RGS12: variants seen among roughly 807,000 people sequenced by gnomAD.
RGS12 encodes the protein regulator of G protein signaling 12.
RGS12 carries 66 observed loss-of-function variants against 120.1 expected under a neutral mutation model. That is an observed-to-expected ratio of 0.55 (90% CI 0.45 to 0.67). The LOEUF is 0.67. RGS12 is among the 30% of genes least tolerant of loss of function. The pLI, the probability that RGS12 is intolerant of heterozygous loss-of-function variation, is 0.00. For missense variants in RGS12, 1,859 were observed against 1,957.7 expected (o/e 0.95, Z 0.95); for synonymous variants, 827 against 804.7 (o/e 1.03, Z -0.47).
chr4:3,427,181 C>T (rs552041982), intron 14 of RGS12, among the ~76,000 whole-genome samples: 1 of 152,312 alleles, frequency 6.6e-6, no homozygotes, highest in African/African-American at 2.4e-5. Context: ...GTGGGGCAGG[C>T]ACAGCATGTG....
chr4:3,420,852 G>C, intron 10 of RGS12, 134 bp downstream of exon 10: 3 of 817,920 alleles, frequency 3.7e-6, no homozygotes, highest in Non-Finnish European at 5.7e-6. Flanking sequence ...GACAAGGCTC[G>C]GGTGCCGGCC....
At chr4:3,385,289 G>C (rs1001488152) in intron 3 of RGS12, 2 of 152,362 alleles carry the variant, frequency 1.3e-5, no homozygotes, top group Admixed American at 6.5e-5. Flanking sequence ...CCGTCTGGGA[G>C]GTCCCCGCAG....
At chr4:3,307,678 G>A (rs1280962655) in intron 1 of RGS12, among the ~76,000 whole-genome samples, 1 of 152,200 alleles carries the variant, frequency 6.6e-6, no homozygotes, top group Admixed American at 6.5e-5. Flanking sequence ...TCGAGGCCTC[G>A]TGGCCCCTGC....
intron 1 of RGS12, among the ~76,000 whole-genome samples, chr4:3,303,322 C>T (rs1021216680): frequency 1.3e-5 from 2 of 152,228 alleles, no homozygotes; most frequent in African/African-American, 2.4e-5. Flanking sequence ...CTCGGTACGG[C>T]GACCTAGGCA....
At chr4:3,369,702 C>T (rs1216034687) in intron 3 of RGS12, among the ~76,000 whole-genome samples, 1 of 152,186 alleles carries the variant, frequency 6.6e-6, no homozygotes, top group Non-Finnish European at 1.5e-5. Flanking sequence ...TTTTCTTTTT[C>T]TTTCCTCCTT....
At chr4:3,435,398 C>T (rs1724709512) in intron 17 of RGS12, among the ~76,000 whole-genome samples, 1 of 152,116 alleles carries the variant, frequency 6.6e-6, no homozygotes, top group African/African-American at 2.4e-5. Flanking sequence ...AGCTTAGACC[C>T]CCTCACTCTG....
intron 2 of RGS12, among the ~76,000 whole-genome samples, chr4:3,327,190 GGGGAAAAGACATCCTTTTCAAT>G (rs1725603146): frequency 6.6e-6 from 1 of 152,178 alleles, no homozygotes; most frequent in African/African-American, 2.4e-5. Context: ...AGCATACAAT[GGGGAAAAGACATCCTTTTCAAT>G]AAATGGTACT....
chr4:3,343,870 A>C (rs1163491063), intron 3 of RGS12, among the ~76,000 whole-genome samples: 1 of 152,196 alleles, frequency 6.6e-6, no homozygotes, highest in Non-Finnish European at 1.5e-5. Context: ...TTAATGTCTT[A>C]TTCTAGAACA....
chr4:3,335,505 C>G (rs1292031168), intron 2 of RGS12, among the ~76,000 whole-genome samples: 1 of 152,188 alleles, frequency 6.6e-6, no homozygotes, highest in East Asian at 1.9e-4. Context: ...AGCTGCATCC[C>G]TGTCAGGCTC....
chr4:3,359,611 T>A (rs1715363933), intron 3 of RGS12, among the ~76,000 whole-genome samples: 1 of 145,896 alleles, frequency 6.9e-6, no homozygotes, highest in Admixed American at 6.8e-5. Context: ...GATTTTCTAG[T>A]TCTTTTTTCT....
rs988921842 is a variant in RGS12 at position 3,366,864 on chromosome 4, C to T, written c.1999-19552C>T. 1.2e-4 allele frequency among the ~76,000 whole-genome samples: 19 copies of T among 152,306 alleles called. No individual in the cohort carries two copies. The highest frequency in any genetic ancestry group is 4.3e-4 in the African/African-American group (18 of 41,556). On this transcript the variant is annotated intron_variant, in intron 3 of 17. Coordinates refer to ENST00000336727, the MANE Select transcript of RGS12 (RefSeq NM_001394154.1). The surrounding 1 kb of genome is among the most constrained non-coding windows in gnomAD (Gnocchi z 4.0). ...GGTCCTGGAGACCCTGGGTCACCCA[C>T]AGGCCCCTTTGCCTTCACTGGAACT... is the stretch of plus-strand genomic sequence containing the variant.
intron 3 of RGS12, among the ~76,000 whole-genome samples, chr4:3,369,180 C>G (rs1458713609): frequency 6.6e-6 from 1 of 152,184 alleles, no homozygotes; most frequent in Admixed American, 6.5e-5. Context: ...GGCGCCTGCC[C>G]CCCGCCCCTG....
chr4:3,317,079 C>T lies in RGS12; in HGVS notation c.909C>T (p.Ala303=), dbSNP rs75833497. 17,785 of 1,613,716 alleles carry T rather than the reference C, an allele frequency of 0.011. 677 individuals carry two copies. The African/African-American group carries it at 0.13, about 12-fold the overall frequency. ...EYPAEKLAFS[A]VCPDDRRFFG... ...CGGCCGAGAAGCTGGCCTTCAGCGC[C>T]GTGTGCCCGGACGACCGGCGATTTT... is the stretch of plus-strand genomic sequence containing the variant. The change falls in exon 2 of 18, where the codon GCC becomes GCT. Residue 303 remains alanine, a synonymous_variant. Transcript: ENST00000336727.
At chr4:3,339,983 C>G (rs1712881628) in intron 2 of RGS12, among the ~76,000 whole-genome samples, 1 of 152,232 alleles carries the variant, frequency 6.6e-6, no homozygotes, top group Non-Finnish European at 1.5e-5. Context: ...TTCTCAAGAG[C>G]AGAAAATACA....
At chr4:3,355,666 G>A (rs1714807784) in intron 3 of RGS12, among the ~76,000 whole-genome samples, 1 of 151,486 alleles carries the variant, frequency 6.6e-6, no homozygotes, top group Non-Finnish European at 1.5e-5. Flanking sequence ...ATGGTGGTAT[G>A]CGCCCATAGT....
chr4:3,335,591 T>C (rs1712359960), intron 2 of RGS12, among the ~76,000 whole-genome samples: 1 of 152,178 alleles, frequency 6.6e-6, no homozygotes, highest in African/African-American at 2.4e-5. Flanking sequence ...ACAGGGGCAG[T>C]TCCTTCCCCT....
Position 3,390,150 on chromosome 4 carries a change from C to T in RGS12, c.2020+3713C>T, listed in dbSNP as rs777246283. Reference sequence around the variant, plus strand: ...CCCTGTTCCCCCAACCATCCTGCGTCCCACCCTGGTCTCCAATGGTGCCTC... The same window carrying T: ...CCCTGTTCCCCCAACCATCCTGCGTTCCACCCTGGTCTCCAATGGTGCCTC... On this transcript the variant is annotated intron_variant, in intron 4 of 17. Transcript: ENST00000336727. The surrounding 1 kb of genome is among the most constrained non-coding windows in gnomAD (Gnocchi z 4.6). 6.6e-6 allele frequency among the ~76,000 whole-genome samples: 1 copy of T among 152,260 alleles called. No individual in the cohort carries two copies. The highest frequency in any genetic ancestry group is 2.4e-5 in the African/African-American group (1 of 41,468).
intron 3 of RGS12, among the ~76,000 whole-genome samples, chr4:3,363,853 G>C (rs1334303441): frequency 6.6e-6 from 1 of 152,120 alleles, no homozygotes; most frequent in African/African-American, 2.4e-5. Flanking sequence ...AGAAACCTGA[G>C]GGTGGCCTGG....
rs569430202 is a variant in RGS12, at chr4:3,316,266, C to T, written c.96C>T (p.Tyr32=). The change falls in exon 2 of 18, where the codon TAC becomes TAT. Residue 32 remains tyrosine (Y), a synonymous_variant. Transcript: ENST00000336727. ...SVEVARGRAG[Y]GFTLSGQAPC... Reference sequence around the variant, plus strand: ...AGGTTGCCCGGGGGAGGGCCGGCTACGGATTCACGCTTTCGGGACAGGCAC... The same window carrying T: ...AGGTTGCCCGGGGGAGGGCCGGCTATGGATTCACGCTTTCGGGACAGGCAC... The T allele has an allele frequency of 2.8e-5, 45 of 1,613,748 alleles. No individual in the cohort carries two copies. The highest frequency in any genetic ancestry group is 1.6e-4 in the Middle Eastern group (1 of 6,062).
Sources: gnomAD v4.1 joint callset for allele counts (sites outside exome capture counted in the v4.1 genomes callset) on GRCh38, gnomAD v4.1.1 for gene constraint, Gnocchi (gnomAD v3.1) non-coding constraint, MANE v1.5 for transcripts, NCBI Gene and HGNC (gene_info 2026-07-23, HGNC 2026-07-21) for gene names.